Variants in SCLT1 observed in about 807,000 individuals in gnomAD.
The protein encoded by SCLT1 is sodium channel and clathrin linker 1, also known as sodium channel-associated protein 1.
SCLT1 carries 78 observed loss-of-function variants against 112.8 expected under a neutral mutation model. That is an observed-to-expected ratio of 0.69 (90% CI 0.58 to 0.83). SCLT1 has a LOEUF of 0.83. SCLT1 is among the 40% of genes least tolerant of loss of function. SCLT1 has a pLI of 0.00. For missense variants in SCLT1, 747 were observed against 770.4 expected (o/e 0.97, Z 0.36); for synonymous variants, 257 against 254.7 (o/e 1.01, Z -0.09).
intron 5 of SCLT1, among the ~76,000 whole-genome samples, chr4:129,020,110 T>C (rs1394638365): frequency 6.6e-6 from 1 of 152,186 alleles, no homozygotes; most frequent in African/African-American, 2.4e-5. Flanking sequence ...CCATATTACA[T>C]GGCCTGAATG....
intron 17 of SCLT1, among the ~76,000 whole-genome samples, chr4:128,938,400 C>T (rs1278048368): frequency 6.6e-6 from 1 of 152,186 alleles, no homozygotes. Context: ...TCAAATAGTA[C>T]ACATGCAGAA....
chr4:128,999,663 C>T lies in SCLT1; in HGVS notation c.549+9G>A. 6.3e-7 allele frequency: 1 copy of T among 1,591,388 alleles called. No individual in the cohort carries two copies. The highest frequency in any genetic ancestry group is 8.6e-7 in the Non-Finnish European group (1 of 1,168,432). On this transcript the variant is annotated intron_variant, in intron 7 of 20. Transcript: ENST00000281142. The stretch of plus-strand genomic sequence containing the variant: ...TGATATACAAGAAAATGATGAAATC[C>T]AAGATTACCTTTTGTTTTTGACTTT...
chr4:129,014,382 C>CTGTGGCTTT (rs1457114740), intron 5 of SCLT1, among the ~76,000 whole-genome samples: 2 of 152,172 alleles, frequency 1.3e-5, no homozygotes, highest in African/African-American at 2.4e-5. Context: ...AAAAAAGGCA[C>CTGTGGCTTT]TGTGGCTTTT....
exon 5 of SCLT1, chr4:128,874,423 T>TC (rs1236168057): frequency 6.6e-6 from 1 of 152,374 alleles, no homozygotes; most frequent in Non-Finnish European, 1.5e-5. Flanking sequence ...ACCTGTTTTT[T>TC]CCCCACATTT....
chr4:128,982,984 G>A (rs2126054896), intron 9 of SCLT1, among the ~76,000 whole-genome samples: 1 of 152,216 alleles, frequency 6.6e-6, no homozygotes, highest in East Asian at 1.9e-4. Context: ...CACCTCCCAG[G>A]TTCAAGTGAT....
intron 5 of SCLT1, among the ~76,000 whole-genome samples, chr4:129,024,435 A>G (rs1031064628): frequency 6.6e-6 from 1 of 152,230 alleles, no homozygotes. Flanking sequence ...ACCCAGGCAA[A>G]CAGGGTCTGG....
At chr4:128,973,009 C>T (rs1279811540) in intron 9 of SCLT1, among the ~76,000 whole-genome samples, 1 of 152,020 alleles carries the variant, frequency 6.6e-6, no homozygotes. Context: ...ATTTATATTC[C>T]AAGTATAATA....
chr4:128,989,174 T>C (rs991528914), intron 9 of SCLT1, among the ~76,000 whole-genome samples: 1 of 151,852 alleles, frequency 6.6e-6, no homozygotes, highest in Non-Finnish European at 1.5e-5. Flanking sequence ...GTGAAAAATA[T>C]ATGTTTTTCT....
At chr4:128,951,226 AT>A (rs1394597107) in intron 14 of SCLT1, among the ~76,000 whole-genome samples, 1 of 152,120 alleles carries the variant, frequency 6.6e-6, no homozygotes, top group Non-Finnish European at 1.5e-5. Context: ...TGTAGCTTAG[AT>A]TTTTTGAGAA....
chr4:128,876,965 C>G (rs1032187060), intron 3 of SCLT1, among the ~76,000 whole-genome samples: 1 of 152,206 alleles, frequency 6.6e-6, no homozygotes, highest in African/African-American at 2.4e-5. Flanking sequence ...ATCCCACCAC[C>G]ATTTGCTATA....
intron 9 of SCLT1, 134 bp downstream of exon 9, chr4:128,992,033 T>C (rs1357968852): frequency 6.6e-6 from 4 of 605,360 alleles, no homozygotes; most frequent in Non-Finnish European, 1.2e-5. Flanking sequence ...ACAGATCATA[T>C]ACACAAGAAG....
chr4:129,082,458 T>C lies in SCLT1; in HGVS notation c.35-85A>G, dbSNP rs545530660. The stretch of plus-strand genomic sequence containing the variant: ...AGAAATACAGTAATTATTTGATGTA[T>C]CCCATGCAAAACGGCTAGTCTTCAC... On this transcript the variant is annotated intron_variant, in intron 1 of 20. Coordinates refer to ENST00000281142, the MANE Select transcript of SCLT1 (RefSeq NM_144643.4). 3.0e-5 allele frequency: 22 copies of C among 730,892 alleles called. No individual in the cohort carries two copies. In the East Asian group the frequency reaches 6.0e-4, roughly 20 times the overall value. 45.3% of individuals were successfully genotyped at this position (730,892 alleles called of 1,614,324 possible).
At chr4:129,001,628 C>T (rs747794956) in intron 6 of SCLT1, among the ~76,000 whole-genome samples, 8 of 151,990 alleles carry the variant, frequency 5.3e-5, no homozygotes, top group Non-Finnish European at 8.8e-5. Context: ...ATTTCTAAGG[C>T]TCTTCTTCCA....
In SCLT1 at chr4:128,936,804, T is replaced by C. The variant is rs202114033; in HGVS notation, c.1680A>G (p.Glu560=). The C allele has an allele frequency of 2.4e-5, 39 of 1,602,560 alleles. No homozygotes were observed. The East Asian group carries it at 8.3e-4, about 34-fold the overall frequency. ...TGTCTTCCATCTCTCTCAATTGAAC[T>C]TCAAATCCACGTTCCTTTATTGAAA... is the stretch of plus-strand genomic sequence containing the variant. ...HEFSIKERGF[E]VQLREMEDSN... is the part of the protein sequence containing the mutation. Residue 560 remains glutamate (E), a synonymous_variant, in exon 18 of 21, where the codon GAA becomes GAG. Transcript: ENST00000281142.
At chr4:128,977,644 G>T (rs1741293646) in intron 9 of SCLT1, among the ~76,000 whole-genome samples, 1 of 152,144 alleles carries the variant, frequency 6.6e-6, no homozygotes, top group Non-Finnish European at 1.5e-5. Flanking sequence ...AAAACTTAGG[G>T]TAGGAGAATT....
chr4:128,910,465 T>A (rs1284787590), intron 18 of SCLT1, among the ~76,000 whole-genome samples: 1 of 152,262 alleles, frequency 6.6e-6, no homozygotes, highest in Non-Finnish European at 1.5e-5. Context: ...GTTAACCTTT[T>A]AATGTGGAAC....
chr4:128,881,443 C>A (rs979110647), downstream of SCLT1, among the ~76,000 whole-genome samples: 2 of 152,066 alleles, frequency 1.3e-5, no homozygotes, highest in Non-Finnish European at 2.9e-5. Context: ...TAATGAGTGA[C>A]TGAATTGTTG....
chr4:128,982,178 C>G (rs1195481812), intron 9 of SCLT1, among the ~76,000 whole-genome samples: 1 of 152,082 alleles, frequency 6.6e-6, no homozygotes, highest in Non-Finnish European at 1.5e-5. Context: ...TACTTTGGAG[C>G]CTGCTGCTTT....
At chr4:128,900,234 A>T (rs1340827163) in intron 18 of SCLT1, among the ~76,000 whole-genome samples, 2 of 152,242 alleles carry the variant, frequency 1.3e-5, no homozygotes, top group Non-Finnish European at 2.9e-5. Flanking sequence ...TCCTAAGCCA[A>T]AAGAACAAAG....
Sources: gnomAD v4.1 joint callset for allele counts (sites outside exome capture counted in the v4.1 genomes callset) on GRCh38, gnomAD v4.1.1 for gene constraint, MANE v1.5 for transcripts, NCBI Gene and HGNC (gene_info 2026-07-23, HGNC 2026-07-21) for gene names.